DCBLD1: variants seen among roughly 807,000 people sequenced by gnomAD.
DCBLD1 encodes the protein discoidin, CUB and LCCL domain containing 1, also known as discoidin, CUB and LCCL domain-containing protein 1.
DCBLD1 carries 57 observed loss-of-function variants against 71.5 expected under a neutral mutation model. The ratio of observed to expected loss-of-function variants is 0.80; its 90% CI spans 0.64 to 0.99. The LOEUF (loss-of-function observed/expected upper bound fraction) is 0.99, where lower values mean the gene tolerates loss of function less well. Ranked by LOEUF, DCBLD1 falls within the 50% of genes least tolerant of loss-of-function variation. The pLI, the probability that DCBLD1 is intolerant of heterozygous loss-of-function variation, is 0.00. For missense variants in DCBLD1, 891 were observed against 923.5 expected, an observed-to-expected ratio of 0.96 and a Z score of 0.46; for synonymous variants, 380 against 363.8, an observed-to-expected ratio of 1.04 and a Z score of -0.51.
At chr6:117,511,454 G>A (rs565762991) in intron 2 of DCBLD1, among the ~76,000 whole-genome samples, 1 of 152,132 alleles carries the variant, frequency 6.6e-6, no homozygotes, top group Admixed American at 6.5e-5. Context: ...GTTCTCCTAC[G>A]TTTTCTGTAC....
At chr6:117,524,089 G>A (rs1451944650) in intron 4 of DCBLD1, among the ~76,000 whole-genome samples, 3 of 152,120 alleles carry the variant, frequency 2.0e-5, no homozygotes, top group Non-Finnish European at 2.9e-5. Flanking sequence ...AGGTAGTGCT[G>A]GAGCCTGTGT....
At position 117,543,165 on chromosome 6, in the gene DCBLD1, GT is replaced by G. The variant is rs1408102865; in HGVS notation, c.1401del (p.Val468SerfsTer59). 6.2e-7 allele frequency: 1 copy of G among 1,613,984 alleles called. No individual in the cohort carries two copies. Among genetic ancestry groups the G allele is most frequent in the East Asian group, 2.2e-5 (1 of 44,884 alleles). On this transcript the variant is annotated frameshift_variant, in exon 12 of 15. Transcript: ENST00000338728. LOFTEE classifies it high-confidence loss of function. ...TTVAIPLVLL[V>X]VLVFAGMGIF... ...GGTGGCTATTCCATTGGTGCTCCTT[GT>G]TGTCCTGGTGTTTGCTGGAATGGGG...
intron 2 of DCBLD1, among the ~76,000 whole-genome samples, chr6:117,510,556 T>C (rs1003481064): frequency 1.3e-5 from 2 of 152,244 alleles, no homozygotes; most frequent in African/African-American, 4.8e-5. Context: ...CGGGATGCCC[T>C]GAGCCAGGAA....
At chr6:117,559,981 A>G (rs1326097169) in intron 14 of DCBLD1, among the ~76,000 whole-genome samples, 1 of 152,208 alleles carries the variant, frequency 6.6e-6, no homozygotes, top group African/African-American at 2.4e-5. Context: ...ACATTTCTAA[A>G]TGTTCATAAC....
intron 2 of DCBLD1, among the ~76,000 whole-genome samples, chr6:117,512,212 G>A (rs903228558): frequency 1.3e-5 from 2 of 152,124 alleles, no homozygotes; most frequent in African/African-American, 4.8e-5. Flanking sequence ...AACTCCCAGC[G>A]TTGACACACT....
intron 1 of DCBLD1, among the ~76,000 whole-genome samples, chr6:117,491,645 A>G (rs558722466): frequency 8.5e-5 from 13 of 152,312 alleles, no homozygotes; most frequent in African/African-American, 3.1e-4. Context: ...AAATTTCCCA[A>G]GCTATCCTAA....
At chr6:117,542,908 T>C (rs1341695400) in intron 11 of DCBLD1, among the ~76,000 whole-genome samples, 4 of 152,144 alleles carry the variant, frequency 2.6e-5, no homozygotes, top group Admixed American at 2.6e-4. Flanking sequence ...AAACTGTCTC[T>C]GGGGGGCTGG....
At chr6:117,492,070 C>G (rs532343324) in intron 1 of DCBLD1, among the ~76,000 whole-genome samples, 1 of 152,158 alleles carries the variant, frequency 6.6e-6, no homozygotes, top group African/African-American at 2.4e-5. Context: ...AGTGATACAT[C>G]GATCTCTCCA....
intron 1 of DCBLD1, among the ~76,000 whole-genome samples, chr6:117,488,504 G>T (rs1048594418): frequency 1.3e-5 from 2 of 152,072 alleles, no homozygotes; most frequent in Admixed American, 1.3e-4. Context: ...AATTTGCCGG[G>T]CGTGGTGGCA....
At chr6:117,553,034 T>G (rs1268664832), downstream of DCBLD1, among the ~76,000 whole-genome samples, 1 of 152,180 alleles carries the variant, frequency 6.6e-6, no homozygotes, top group Non-Finnish European at 1.5e-5. Flanking sequence ...TAATTCCCCT[T>G]GAGAATACCA....
chr6:117,533,508 C>CT (rs1342600884), intron 6 of DCBLD1, among the ~76,000 whole-genome samples: 2 of 152,150 alleles, frequency 1.3e-5, no homozygotes, highest in Non-Finnish European at 2.9e-5. Flanking sequence ...TAGTATTTTC[C>CT]TTCCCCCTCC....
intron 1 of DCBLD1, among the ~76,000 whole-genome samples, chr6:117,496,670 T>G (rs1175766036): frequency 1.3e-5 from 2 of 152,040 alleles, no homozygotes; most frequent in Non-Finnish European, 2.9e-5. Context: ...AGAGCAAGGA[T>G]ACAACTAATG....
chr6:117,544,509 G>C lies in DCBLD1; in HGVS notation c.1446-19G>C. On this transcript the variant is annotated intron_variant, in intron 12 of 14. Coordinates refer to ENST00000338728, the MANE Select transcript of DCBLD1 (RefSeq NM_001366458.2). ...TACATTGGCTTATAAATATTCAGTA[G>C]GACTTTTTGTCTTGATAGGAAGAAG... 2 of 1,613,318 alleles carry C rather than the reference G, an allele frequency of 1.2e-6. No homozygotes were observed. Among genetic ancestry groups the C allele is most frequent in the Non-Finnish European group, 1.7e-6 (2 of 1,179,720 alleles).
intron 7 of DCBLD1, among the ~76,000 whole-genome samples, chr6:117,537,644 TC>T (rs1174081849): frequency 2.0e-5 from 3 of 148,736 alleles, no homozygotes; most frequent in Non-Finnish European, 4.5e-5. Context: ...TTTCCTTTTT[TC>T]TCAGGTTACA....
chr6:117,500,005 C>A (rs1209827094), intron 1 of DCBLD1, among the ~76,000 whole-genome samples: 3 of 152,098 alleles, frequency 2.0e-5, no homozygotes, highest in Middle Eastern at 3.2e-3. Flanking sequence ...GCAACAAAAG[C>A]GAAAGTCCGT....
chr6:117,488,775 C>T (rs80060371), intron 1 of DCBLD1, among the ~76,000 whole-genome samples: 2,091 of 152,244 alleles, frequency 0.014, 22 homozygotes, highest in Middle Eastern at 0.031. Flanking sequence ...TGATTTAGAC[C>T]GGGGGTCCCC....
chr6:117,547,770 C>T, intron 14 of DCBLD1, 137 bp from the exon 15 acceptor site: 2 of 1,535,886 alleles, frequency 1.3e-6, no homozygotes, highest in Non-Finnish European at 1.8e-6. Flanking sequence ...TCAGGGTTTT[C>T]CGCAGTGCCT....
chr6:117,506,476 A>G (rs990343701), intron 2 of DCBLD1, among the ~76,000 whole-genome samples: 1 of 152,228 alleles, frequency 6.6e-6, no homozygotes, highest in Non-Finnish European at 1.5e-5. Flanking sequence ...TGTGCTTAAG[A>G]TAAACTATGT....
chr6:117,524,697 GAA>G (rs1778492082), intron 4 of DCBLD1, among the ~76,000 whole-genome samples: 1 of 152,058 alleles, frequency 6.6e-6, no homozygotes, highest in Non-Finnish European at 1.5e-5. Flanking sequence ...CAAAAAAAGA[GAA>G]AATATCTTAT....
Sources: allele counts gnomAD v4.1 joint callset (sites outside exome capture counted in the v4.1 genomes callset), GRCh38; gene constraint gnomAD v4.1.1; transcripts MANE v1.5; gene names NCBI Gene and HGNC (gene_info 2026-07-23, HGNC 2026-07-21).